The following ACMSD variants were observed in gnomAD, a reference collection of about 807,000 sequenced individuals.
ACMSD encodes aminocarboxymuconate semialdehyde decarboxylase, also known as 2-amino-3-carboxymuconate-6-semialdehyde decarboxylase.
ACMSD carries 37 observed loss-of-function variants against 45.9 expected under a neutral mutation model. That is an observed-to-expected ratio of 0.81 (90% CI 0.62 to 1.06). ACMSD has a LOEUF of 1.06. Among genes scored for constraint, ACMSD ranks in the 50% least tolerant of loss-of-function variants. The pLI is 0.00. For missense variants in ACMSD, 434 were observed against 420.9 expected (o/e 1.03, Z -0.27); for synonymous variants, 138 against 148.8 (o/e 0.93, Z 0.53).
intron 2 of ACMSD, 100 bp downstream of exon 2, chr2:134,845,377 T>C (rs1687002237): frequency 2.4e-6 from 3 of 1,255,100 alleles, no homozygotes; most frequent in Admixed American, 3.4e-5. Flanking sequence ...CCCACTCTTC[T>C]GCCCATGTAT....
intron 8 of ACMSD, among the ~76,000 whole-genome samples, chr2:134,885,202 T>A (rs1172746221): frequency 2.3e-5 from 3 of 131,410 alleles, no homozygotes; most frequent in African/African-American, 8.7e-5. Flanking sequence ...TCTCAAAAAA[T>A]ATATACATAT....
intron 8 of ACMSD, among the ~76,000 whole-genome samples, chr2:134,897,125 A>G (rs1394917491): frequency 6.6e-6 from 1 of 152,014 alleles, no homozygotes; most frequent in Non-Finnish European, 1.5e-5. Flanking sequence ...AAGGGGGTGA[A>G]TTTTATGGTA....
At chr2:134,899,502 G>T (rs1690377254) in intron 9 of ACMSD, among the ~76,000 whole-genome samples, 1 of 151,732 alleles carries the variant, frequency 6.6e-6, no homozygotes, top group African/African-American at 2.4e-5. Flanking sequence ...AACAACAAAG[G>T]TTGAAAATGA....
At chr2:134,874,133 T>C (rs1688610649) in intron 8 of ACMSD, among the ~76,000 whole-genome samples, 1 of 152,292 alleles carries the variant, frequency 6.6e-6, no homozygotes, top group African/African-American at 2.4e-5. Flanking sequence ...ATATGGCAAA[T>C]GCTTCATGTT....
At chr2:134,898,914 A>G (rs1367277742) in intron 9 of ACMSD, among the ~76,000 whole-genome samples, 2 of 152,016 alleles carry the variant, frequency 1.3e-5, no homozygotes, top group Non-Finnish European at 1.5e-5. Context: ...AATGATACTA[A>G]TATGTGCTAT....
chr2:134,895,338 A>ATATGTTATATATATATATATAATAT (rs1553517011), intron 8 of ACMSD, among the ~76,000 whole-genome samples: 2 of 145,428 alleles, frequency 1.4e-5, no homozygotes, highest in African/African-American at 5.0e-5. Flanking sequence ...TTATATATAT[A>ATATGTTATATATATATATATAATAT]ATATATATAT....
chr2:134,881,433 A>G (rs1333575570), intron 8 of ACMSD, among the ~76,000 whole-genome samples: 1 of 152,244 alleles, frequency 6.6e-6, no homozygotes, highest in Non-Finnish European at 1.5e-5. Context: ...AAGCAGAGAT[A>G]TGATCTTGTC....
intron 8 of ACMSD, chr2:134,877,674 A>G (rs944508389): frequency 1.4e-5 from 2 of 147,662 alleles, no homozygotes; most frequent in African/African-American, 5.0e-5. Context: ...GATGGTAATC[A>G]AGACAGGAGG....
At chr2:134,857,907 T>C (rs1049022192) in intron 2 of ACMSD, 12 of 151,392 alleles carry the variant, frequency 7.9e-5, no homozygotes, top group Non-Finnish European at 1.5e-4. Context: ...ACCTAATTTA[T>C]TGAGGTTTTT....
Position 134,863,177 on chromosome 2 carries a change from T to C in ACMSD, c.250-218T>C, listed in dbSNP as rs904895271. ...CTGATTCTGGCCTCAATTTTTCCAA[T>C]GAATCAGCAATATACCTGCAGTTTT... On this transcript the variant is annotated intron_variant, in intron 4 of 9. Coordinates refer to ENST00000356140, the MANE Select transcript of ACMSD (RefSeq NM_138326.3). 2.3e-5 allele frequency: 14 copies of C among 602,612 alleles called. No homozygotes were observed. The Admixed American group carries it at 5.7e-4, about 25-fold the overall frequency. The allele number at this position is 602,612 out of a possible 1,614,324, so 37.3% of individuals were successfully genotyped here.
chr2:134,870,652 G>A (rs944400852), intron 6 of ACMSD, among the ~76,000 whole-genome samples: 2 of 152,090 alleles, frequency 1.3e-5, no homozygotes, highest in Non-Finnish European at 2.9e-5. Context: ...AGGAGCTAGG[G>A]TCCAGCTTGG....
intron 2 of ACMSD, among the ~76,000 whole-genome samples, chr2:134,846,725 C>T (rs1687070069): frequency 6.6e-6 from 1 of 152,158 alleles, no homozygotes; most frequent in African/African-American, 2.4e-5. Flanking sequence ...CACTGACTCA[C>T]TACTTTTTAT....
chr2:134,856,578 T>C (rs932640271), intron 2 of ACMSD, among the ~76,000 whole-genome samples: 12 of 152,234 alleles, frequency 7.9e-5, no homozygotes. Context: ...TCTCAATGAT[T>C]AGTGAAGTTG....
chr2:134,865,403 G>T (rs1163029025), intron 5 of ACMSD, among the ~76,000 whole-genome samples: 1 of 152,140 alleles, frequency 6.6e-6, no homozygotes, highest in African/African-American at 2.4e-5. Flanking sequence ...ATTGGATTTG[G>T]GTTTATGAAT....
chr2:134,885,389 AAT>A (rs1183516908), intron 8 of ACMSD, among the ~76,000 whole-genome samples: 281 of 103,984 alleles, frequency 2.7e-3, no homozygotes, highest in African/African-American at 9.9e-3. Context: ...TATATATGTA[AAT>A]ATATATATTT....
chr2:134,885,315 A>AT, intron 8 of ACMSD, among the ~76,000 whole-genome samples: 1 of 101,578 alleles, frequency 9.8e-6, no homozygotes, highest in Admixed American at 1.4e-4. Context: ...AAATATATAT[A>AT]TATAAATATA....
intron 9 of ACMSD, among the ~76,000 whole-genome samples, chr2:134,899,481 C>CT (rs1209431998): frequency 3.3e-5 from 5 of 151,090 alleles, no homozygotes; most frequent in East Asian, 1.9e-4. Flanking sequence ...CATTTTTTAT[C>CT]TTTTTTTTTA....
At chr2:134,847,445 TAGATATAG>T (rs1414280749) in intron 2 of ACMSD, among the ~76,000 whole-genome samples, 19 of 145,050 alleles carry the variant, frequency 1.3e-4, no homozygotes, top group African/African-American at 4.1e-4. Flanking sequence ...GATAGATAGA[TAGATATAG>T]ATAGAGATAG....
At chr2:134,854,471 T>G (rs1337807113) in intron 2 of ACMSD, among the ~76,000 whole-genome samples, 1 of 152,212 alleles carries the variant, frequency 6.6e-6, no homozygotes, top group Non-Finnish European at 1.5e-5. Context: ...GACAGGATGC[T>G]CATGCTAATG....
Sources: gnomAD v4.1 joint callset for allele counts (sites outside exome capture counted in the v4.1 genomes callset) on GRCh38, gnomAD v4.1.1 for gene constraint, MANE v1.5 for transcripts, NCBI Gene and HGNC (gene_info 2026-07-23, HGNC 2026-07-21) for gene names.